Variants in CNTNAP2 observed in about 807,000 individuals in gnomAD.
CNTNAP2 encodes contactin associated protein 2, also known as contactin-associated protein-like 2.
A neutral mutation model predicts 155.2 loss-of-function variants in CNTNAP2; 98 were observed. The ratio of observed to expected loss-of-function variants is 0.63; its 90% confidence interval spans 0.54 to 0.75. The LOEUF is 0.75. Ranked by LOEUF, CNTNAP2 falls within the 30% of genes least tolerant of loss-of-function variation. The pLI is 0.00. For missense variants in CNTNAP2, 1,727 were observed against 1,688.1 expected (o/e 1.02, Z -0.40); for synonymous variants, 651 against 631.2 (o/e 1.03, Z -0.47).
At chr7:148,153,960 T>G (rs760658742) in intron 17 of CNTNAP2, among the ~76,000 whole-genome samples, 28 of 152,192 alleles carry the variant, frequency 1.8e-4, no homozygotes, top group Non-Finnish European at 4.0e-4. Context: ...AGTTACAAGA[T>G]CTGGAGGCCA....
intron 15 of CNTNAP2, among the ~76,000 whole-genome samples, chr7:148,062,026 A>AGTGTGTGTGTGT (rs1429526235): frequency 2.7e-4 from 36 of 132,048 alleles, no homozygotes; most frequent in African/African-American, 1.0e-3. Context: ...AGAGAGAGAG[A>AGTGTGTGTGTGT]GAGTGTGTGT....
chr7:147,943,555 G>A (rs1006474291), intron 14 of CNTNAP2, among the ~76,000 whole-genome samples: 1 of 151,872 alleles, frequency 6.6e-6, no homozygotes, highest in South Asian at 2.1e-4. Context: ...GATCACTAGA[G>A]GCCAGGAGTT....
intron 11 of CNTNAP2, among the ~76,000 whole-genome samples, chr7:147,526,847 G>A (rs1196797576): frequency 2.0e-5 from 3 of 151,932 alleles, no homozygotes; most frequent in Non-Finnish European, 2.9e-5. Flanking sequence ...AATAACTTGG[G>A]ATTTGGGGAC....
chr7:147,571,945 C>T (rs890763212), intron 12 of CNTNAP2, among the ~76,000 whole-genome samples: 1 of 152,216 alleles, frequency 6.6e-6, no homozygotes, highest in Non-Finnish European at 1.5e-5. Flanking sequence ...CACATCTTCT[C>T]CTCTTTGTCG....
intron 21 of CNTNAP2, among the ~76,000 whole-genome samples, chr7:148,352,268 G>C (rs965506684): frequency 2.0e-5 from 3 of 152,192 alleles, no homozygotes; most frequent in African/African-American, 7.2e-5. Flanking sequence ...AAGGGCAAAA[G>C]TGGAAATGGA....
intron 1 of CNTNAP2, among the ~76,000 whole-genome samples, chr7:146,383,533 A>G (rs931847893): frequency 2.0e-5 from 3 of 152,158 alleles, no homozygotes; most frequent in African/African-American, 7.2e-5. Context: ...TACCCCATAC[A>G]TTCTAAATTG....
chr7:147,435,449 A>C (rs1335694278), intron 10 of CNTNAP2, among the ~76,000 whole-genome samples: 1 of 152,230 alleles, frequency 6.6e-6, no homozygotes, highest in Non-Finnish European at 1.5e-5. Context: ...CCACACTTGG[A>C]GAATCACTGC....
At chr7:147,112,828 TTTGTTGTTGTTGTTGTTG>T (rs142550469) in intron 5 of CNTNAP2, among the ~76,000 whole-genome samples, 12 of 151,420 alleles carry the variant, frequency 7.9e-5, no homozygotes, top group African/African-American at 2.9e-4. Flanking sequence ...TGCCCGAAGT[TTTGTTGTTGTTGTTGTTG>T]TTGTTGTTGT....
intron 1 of CNTNAP2, among the ~76,000 whole-genome samples, chr7:146,280,480 G>T (rs1800233735): frequency 6.6e-6 from 1 of 152,016 alleles, no homozygotes. Context: ...TTAAGGCCAG[G>T]TGAATTGCTG....
intron 15 of CNTNAP2, among the ~76,000 whole-genome samples, chr7:148,061,268 T>C (rs917895455): frequency 1.1e-4 from 16 of 152,170 alleles, no homozygotes; most frequent in Non-Finnish European, 2.4e-4. Flanking sequence ...AAGATCCTTG[T>C]ATTTTAAGAG....
At chr7:146,873,634 T>G (rs1305684884) in intron 3 of CNTNAP2, among the ~76,000 whole-genome samples, 7 of 151,770 alleles carry the variant, frequency 4.6e-5, no homozygotes, top group African/African-American at 7.3e-5. Context: ...AGGAATGGGG[T>G]GTATGAGAAG....
At chr7:148,032,672 A>G (rs959012641) in intron 15 of CNTNAP2, among the ~76,000 whole-genome samples, 2 of 152,140 alleles carry the variant, frequency 1.3e-5, no homozygotes, top group Non-Finnish European at 2.9e-5. Context: ...AGGATTTCTG[A>G]TCAACAGCAG....
chr7:146,969,545 A>C (rs1210521056), intron 3 of CNTNAP2, among the ~76,000 whole-genome samples: 4 of 152,032 alleles, frequency 2.6e-5, no homozygotes, highest in Non-Finnish European at 5.9e-5. Flanking sequence ...TTGTTGAATT[A>C]ATCCCTTTAC....
chr7:147,722,293 A>G (rs1210541567), intron 13 of CNTNAP2, among the ~76,000 whole-genome samples: 2 of 152,170 alleles, frequency 1.3e-5, no homozygotes, highest in Non-Finnish European at 2.9e-5. Flanking sequence ...TAAATTAACC[A>G]CAATATGCTC....
chr7:147,875,022 C>A (rs1161163654), intron 13 of CNTNAP2, among the ~76,000 whole-genome samples: 1 of 152,164 alleles, frequency 6.6e-6, no homozygotes, highest in East Asian at 1.9e-4. Flanking sequence ...TTGGTCAAAG[C>A]CATTTCACAA....
chr7:146,695,502 C>T (rs1294603157), intron 1 of CNTNAP2, among the ~76,000 whole-genome samples: 1 of 152,114 alleles, frequency 6.6e-6, no homozygotes, highest in Non-Finnish European at 1.5e-5. Context: ...GCAGCCTCTA[C>T]CTCCCTGGCT....
At chr7:147,328,819 G>T (rs1465437399) in intron 9 of CNTNAP2, among the ~76,000 whole-genome samples, 1 of 132,022 alleles carries the variant, frequency 7.6e-6, no homozygotes, top group African/African-American at 3.1e-5. Context: ...CAGCTCTCTT[G>T]GTGCAGCAGT....
chr7:146,771,299 A>T (rs1362313590), intron 1 of CNTNAP2, among the ~76,000 whole-genome samples: 2 of 152,180 alleles, frequency 1.3e-5, no homozygotes, highest in African/African-American at 2.4e-5. Context: ...CAGTTGATGC[A>T]TATTTAAATG....
chr7:148,083,939 A>G (rs1285925499), intron 15 of CNTNAP2, among the ~76,000 whole-genome samples: 1 of 152,076 alleles, frequency 6.6e-6, no homozygotes, highest in Non-Finnish European at 1.5e-5. Context: ...TTTCCTTACC[A>G]TTTAAGCCAG....
Sources: allele counts gnomAD v4.1 joint callset (sites outside exome capture counted in the v4.1 genomes callset), GRCh38; gene constraint gnomAD v4.1.1; transcripts MANE v1.5; gene names NCBI Gene and HGNC (gene_info 2026-07-23, HGNC 2026-07-21).